Variants in FAP observed in about 807,000 individuals in gnomAD.
FAP encodes the protein prolyl endopeptidase FAP.
In FAP, 110 loss-of-function variants were observed where a neutral mutation model predicts 126.5. The ratio of observed to expected loss-of-function variants is 0.87; its 90% CI spans 0.74 to 1.02. The LOEUF is 1.02. FAP is among the 50% of genes least tolerant of loss of function. FAP has a pLI of 0.00. For missense variants in FAP, 919 were observed against 909.2 expected (o/e 1.01, Z -0.14); for synonymous variants, 334 against 297.3 (o/e 1.12, Z -1.27).
intron 21 of FAP, among the ~76,000 whole-genome samples, chr2:162,181,573 A>C (rs1196049660): frequency 6.6e-6 from 1 of 152,106 alleles, no homozygotes; most frequent in Non-Finnish European, 1.5e-5. Flanking sequence ...TATCTTCACC[A>C]ATCTCAAATG....
At position 162,198,790 on chromosome 2, in the gene FAP, C is replaced by T. The variant is rs780875561; in HGVS notation, c.1369G>A (p.Asp457Asn). 4.0e-5 allele frequency: 65 copies of T among 1,613,960 alleles called. No homozygotes were observed. Among genetic ancestry groups the T allele is most frequent in the Non-Finnish European group, 5.2e-5 (61 of 1,179,986 alleles). ...RCQYYTASFS[D>N]YAKYYALVCY... ...ACAAGTGCATAGTACTTGGCGTAGT[C>T]GCTGAAACTTGCTGTGTAATATTGG... The change falls in exon 16 of 26, where the codon GAC (aspartate) becomes AAC (asparagine). Residue 457 changes from aspartate to asparagine, a missense_variant. Coordinates refer to ENST00000188790, the MANE Select transcript of FAP (RefSeq NM_004460.5).
At chr2:162,222,647 T>C (rs551672731) in intron 6 of FAP, among the ~76,000 whole-genome samples, 7 of 152,310 alleles carry the variant, frequency 4.6e-5, no homozygotes, top group African/African-American at 1.7e-4. Context: ...AGGCAATTCA[T>C]TGTCCACACT....
chr2:162,199,221 C>T (rs776895279), intron 15 of FAP, among the ~76,000 whole-genome samples: 5 of 152,192 alleles, frequency 3.3e-5, no homozygotes, highest in African/African-American at 7.2e-5. Context: ...CATAGTTCTT[C>T]GTCTTTCTAT....
chr2:162,198,237 G>T, intron 16 of FAP: 2 of 1,289,746 alleles, frequency 1.6e-6, no homozygotes, highest in Non-Finnish European at 2.0e-6. Flanking sequence ...TGAAACTACA[G>T]TTTGAGGAAT....
chr2:162,216,098 A>G, intron 9 of FAP, 97 bp from the exon 10 acceptor site: 1 of 834,138 alleles, frequency 1.2e-6, no homozygotes, highest in Non-Finnish European at 1.9e-6. Context: ...TTCTAAGCGA[A>G]CAATCTTATG....
intron 2 of FAP, among the ~76,000 whole-genome samples, chr2:162,235,208 G>A (rs938433871): frequency 1.8e-4 from 28 of 151,538 alleles, no homozygotes; most frequent in African/African-American, 5.3e-4. Context: ...CTCCGCCATG[G>A]GCTCCTGCAC....
At chr2:162,189,278 A>C in intron 18 of FAP, 106 bp from the exon 19 acceptor site, 2 of 568,184 alleles carry the variant, frequency 3.5e-6, no homozygotes, top group South Asian at 6.9e-5. Context: ...TCAACTACTA[A>C]ATTGTTAAGA....
At chr2:162,194,638 C>T (rs1034597807) in intron 17 of FAP, 63 bp downstream of exon 17, 56 of 1,451,912 alleles carry the variant, frequency 3.9e-5, no homozygotes, top group Non-Finnish European at 4.7e-5. Context: ...CTTTCTCTAG[C>T]GGAGCATCAC....
intron 12 of FAP, among the ~76,000 whole-genome samples, chr2:162,205,807 C>T (rs773316225): frequency 2.6e-5 from 4 of 152,158 alleles, no homozygotes; most frequent in East Asian, 1.9e-4. Context: ...CCACTGTACC[C>T]GGCCTATGTC....
rs183750981 is a variant in FAP at position 162,203,544 on chromosome 2, C to A, written c.1048-399G>T. Among the ~76,000 whole-genome samples, 9 of 152,282 alleles carry A rather than the reference C, an allele frequency of 5.9e-5. No individual in the cohort carries two copies. In the East Asian group the frequency reaches 1.7e-3, roughly 29 times the overall value. ...CTCATTGACTATACCTCTTTTAATT[C>A]TTGATTTGTCTGATGCCAAGCATGC... On this transcript the variant is annotated intron_variant, in intron 12 of 25. Transcript: ENST00000188790.
intron 17 of FAP, among the ~76,000 whole-genome samples, chr2:162,191,076 G>T (rs1325547716): frequency 2.0e-5 from 3 of 152,028 alleles, no homozygotes; most frequent in East Asian, 1.9e-4. Context: ...TTCTTGCGTG[G>T]ATTCTGTTTG....
chr2:162,200,622 GA>G lies in FAP; in HGVS notation c.1224-4del. On this transcript the variant is annotated splice_region_variant and splice_polypyrimidine_tract_variant and intron_variant, in intron 14 of 25. Transcript: ENST00000188790. ...CAAATTCATTGCTAGAATAAAACCT[GA>G]AAATATATTCAGAAATTATTAAGTA... 7.4e-7 allele frequency: 1 copy of G among 1,344,718 alleles called. No homozygotes were observed. The highest frequency in any genetic ancestry group is 1.0e-6 in the Non-Finnish European group (1 of 964,802). 83.3% of individuals were successfully genotyped at this position (1,344,718 alleles called of 1,614,324 possible).
chr2:162,204,586 A>C (rs1688624688), intron 12 of FAP, among the ~76,000 whole-genome samples: 1 of 152,190 alleles, frequency 6.6e-6, no homozygotes, highest in Admixed American at 6.5e-5. Context: ...TTAAACAAAC[A>C]ATGCTCAGGG....
At chr2:162,220,073 A>T (rs1010432606) in intron 6 of FAP, 148 bp from the exon 7 acceptor site, 4 of 628,078 alleles carry the variant, frequency 6.4e-6, no homozygotes, top group Non-Finnish European at 8.4e-6. Context: ...GAATGCAGGA[A>T]TGAAGAACTG....
intron 2 of FAP, among the ~76,000 whole-genome samples, chr2:162,229,536 T>C (rs996127307): frequency 5.9e-5 from 9 of 152,146 alleles, no homozygotes; most frequent in African/African-American, 1.9e-4. Context: ...AACTGAACTG[T>C]TACAATTAAA....
At chr2:162,229,057 T>C (rs923345322) in intron 2 of FAP, among the ~76,000 whole-genome samples, 1 of 152,306 alleles carries the variant, frequency 6.6e-6, no homozygotes, top group Non-Finnish European at 1.5e-5. Flanking sequence ...AATAAATGAA[T>C]ATAACCTTAG....
chr2:162,200,335 G>C (rs1272715134), intron 15 of FAP, among the ~76,000 whole-genome samples: 2 of 152,198 alleles, frequency 1.3e-5, no homozygotes, highest in African/African-American at 4.8e-5. Context: ...TAGTATTCAT[G>C]TAAACATTAG....
At chr2:162,221,536 TAAG>T (rs778935906) in intron 6 of FAP, 27 of 340,724 alleles carry the variant, frequency 7.9e-5, no homozygotes, top group Non-Finnish European at 1.2e-4. Context: ...AAAAAAAAAA[TAAG>T]AAGACATTCT....
chr2:162,198,410 C>G (rs1688349002), intron 16 of FAP: 4 of 1,209,696 alleles, frequency 3.3e-6, no homozygotes, highest in Non-Finnish European at 4.3e-6. Flanking sequence ...CGAAGCCTAG[C>G]TGACGGGTTG....
Sources: gnomAD v4.1 joint callset for allele counts (sites outside exome capture counted in the v4.1 genomes callset) on GRCh38, gnomAD v4.1.1 for gene constraint, MANE v1.5 for transcripts, NCBI Gene and HGNC (gene_info 2026-07-23, HGNC 2026-07-21) for gene names.